Variants in KIF16B observed in about 807,000 individuals in gnomAD.
The protein encoded by KIF16B is kinesin family member 16B.
Under a neutral mutation model 156.3 loss-of-function variants are expected in KIF16B, and 98 were observed. That is an observed-to-expected ratio of 0.63 (90% CI 0.53 to 0.74). The LOEUF (loss-of-function observed/expected upper bound fraction) is 0.74, where lower values mean the gene tolerates loss of function less well. Among genes scored for constraint, KIF16B ranks in the 30% least tolerant of loss-of-function variants. The probability of loss-of-function intolerance (pLI) is 0.00; values close to 1 mark genes in which losing one functional copy is unlikely to be tolerated. For synonymous variants in KIF16B, 564 were observed against 583.7 expected (o/e 0.97, Z 0.49); for missense variants, 1,421 against 1,606.5 (o/e 0.88, Z 1.97).
chr20:16,514,854 C>T (rs2069086720), intron 4 of KIF16B, among the ~76,000 whole-genome samples: 2 of 124,990 alleles, frequency 1.6e-5, no homozygotes, highest in South Asian at 5.1e-4. Flanking sequence ...CCACTGCCCT[C>T]TAGCCTGGGC....
rs1052988314 is a variant in KIF16B at position 16,449,054 on chromosome 20, A to C, written c.1303-19072T>G. On this transcript the variant is annotated intron_variant, in intron 12 of 25. Transcript: ENST00000354981. ...TAGAATGAAAGTGTCAAGAATAAAT[A>C]GATGAAAATAATGTAGGAGAAGATA... Among the ~76,000 whole-genome samples, 8 of 152,340 alleles carry C rather than the reference A, an allele frequency of 5.3e-5. No homozygotes were observed. The East Asian group carries it at 1.3e-3, about 26-fold the overall frequency.
At chr20:16,420,876 G>C (rs892652065) in intron 15 of KIF16B, among the ~76,000 whole-genome samples, 1 of 152,070 alleles carries the variant, frequency 6.6e-6, no homozygotes, top group African/African-American at 2.4e-5. Flanking sequence ...TGGACTTTAG[G>C]ATCCTAGGGC....
intron 1 of KIF16B, among the ~76,000 whole-genome samples, chr20:16,549,614 A>G (rs1031486188): frequency 6.6e-6 from 1 of 152,100 alleles, no homozygotes; most frequent in Non-Finnish European, 1.5e-5. Flanking sequence ...AGGCTACAGT[A>G]ACCAAAACAG....
intron 12 of KIF16B, among the ~76,000 whole-genome samples, chr20:16,483,987 A>C (rs2068048433): frequency 6.6e-6 from 1 of 151,158 alleles, no homozygotes; most frequent in Admixed American, 6.6e-5. Flanking sequence ...GCTGAGTACA[A>C]GTGTACATAA....
chr20:16,368,216 T>C, intron 22 of KIF16B: 1 of 1,023,940 alleles, frequency 9.8e-7, no homozygotes. Flanking sequence ...AATGCAGAGC[T>C]CTTTCTAGCA....
chr20:16,309,599 A>C lies in KIF16B; in HGVS notation c.3795+2736T>G, dbSNP rs570078407. ...AAACATTTTACACTTTTTGCTAATAAACTCAAACACAAGGTCCAAATCTTA... is the reference window on the plus strand; with the variant it reads ...AAACATTTTACACTTTTTGCTAATACACTCAAACACAAGGTCCAAATCTTA... On this transcript the variant is annotated intron_variant, in intron 25 of 25. Transcript: ENST00000354981. Among the ~76,000 whole-genome samples the C allele has an allele frequency of 5.6e-4, 85 of 152,334 alleles. 1 individual carries two copies. Among genetic ancestry groups the C allele is most frequent in the South Asian group, 3.9e-3 (19 of 4,828 alleles).
chr20:16,512,846 A>G lies in KIF16B; in HGVS notation c.426T>C (p.Ala142=), dbSNP rs1415007734. ...RINETTRWDE[A]SFRTEVSYLE... ...CCTACCTGACTTCAGTTCGAAAAGA[A>G]GCTTCATCCCATCTGGTGGTTTCAT... The change falls in exon 5 of 26, where the codon GCT becomes GCC. Residue 142 remains alanine (A), a synonymous_variant. Transcript: ENST00000354981. The G allele has an allele frequency of 6.2e-7, 1 of 1,613,756 alleles. No individual in the cohort carries two copies. The highest frequency in any genetic ancestry group is 1.7e-5 in the Admixed American group (1 of 60,028).
intron 12 of KIF16B, among the ~76,000 whole-genome samples, chr20:16,443,608 C>G (rs1420962020): frequency 6.6e-6 from 1 of 152,140 alleles, no homozygotes; most frequent in Non-Finnish European, 1.5e-5. Flanking sequence ...CTATGGGCAA[C>G]AATACTTTAC....
intron 1 of KIF16B, among the ~76,000 whole-genome samples, chr20:16,566,515 AAT>A (rs1491290568): frequency 6.6e-6 from 1 of 152,238 alleles, no homozygotes; most frequent in Non-Finnish European, 1.5e-5. Flanking sequence ...AATGCCTAAT[AAT>A]ATACCTGATA....
chr20:16,418,307 A>G (rs2146357456), intron 15 of KIF16B, among the ~76,000 whole-genome samples: 1 of 152,268 alleles, frequency 6.6e-6, no homozygotes, highest in South Asian at 2.1e-4. Flanking sequence ...ATGAGAAGTC[A>G]AATTCTAAGC....
At chr20:16,375,140 C>T (rs1425748523) in intron 19 of KIF16B, among the ~76,000 whole-genome samples, 5 of 152,300 alleles carry the variant, frequency 3.3e-5, no homozygotes, top group East Asian at 3.9e-4. Flanking sequence ...ATTCTCCCAC[C>T]GGCCCAGGCA....
At chr20:16,407,636 G>T (rs756444428) in intron 15 of KIF16B, among the ~76,000 whole-genome samples, 1 of 152,124 alleles carries the variant, frequency 6.6e-6, no homozygotes, top group South Asian at 2.1e-4. Flanking sequence ...GCTCAGGACA[G>T]AGGAGAGAAT....
At chr20:16,512,958 CAAAAT>C (rs1458171676) in intron 4 of KIF16B, 35 bp from the exon 5 acceptor site, 3 of 1,480,564 alleles carry the variant, frequency 2.0e-6, no homozygotes, top group South Asian at 1.1e-5. Context: ...AGCTGTCACT[CAAAAT>C]AAAAGCAACT....
intron 12 of KIF16B, among the ~76,000 whole-genome samples, chr20:16,468,411 C>T (rs1442392263): frequency 6.6e-6 from 1 of 151,282 alleles, no homozygotes; most frequent in African/African-American, 2.4e-5. Flanking sequence ...GTCTCTATCA[C>T]AAATACACAA....
At chr20:16,559,422 C>G (rs910490158) in intron 1 of KIF16B, among the ~76,000 whole-genome samples, 1 of 151,798 alleles carries the variant, frequency 6.6e-6, no homozygotes, top group Non-Finnish European at 1.5e-5. Context: ...CCCCTAATAC[C>G]AAAAAAAGTC....
rs756242414 is a variant in KIF16B at position 16,381,700 on chromosome 20, C to T, written c.1832G>A (p.Ser611Asn). ...QQREELEKLE[S>N]KRKLIEEMEE... ...TGAACCCCATGTGACTTACCTTTTA[C>T]TTTCTAATTTTTCAAGTTCTTCACG... Residue 611 changes from serine to asparagine, a missense_variant, in exon 18 of 26, where the codon AGT (serine) becomes AAT (asparagine). Physicochemically the swap from Ser to Asn is conservative, Grantham distance 46. Transcript: ENST00000354981. The T allele has an allele frequency of 2.5e-6, 4 of 1,612,108 alleles. No individual in the cohort carries two copies. Among genetic ancestry groups the T allele is most frequent in the Non-Finnish European group, 2.5e-6 (3 of 1,178,798 alleles).
intron 14 of KIF16B, 146 bp from the exon 15 acceptor site, chr20:16,427,387 G>T: frequency 1.3e-6 from 1 of 788,778 alleles, no homozygotes; most frequent in Non-Finnish European, 1.9e-6. Context: ...TTTATGTTTA[G>T]TGAGAAAACC....
At chr20:16,343,182 A>T (rs1044731049) in intron 23 of KIF16B, among the ~76,000 whole-genome samples, 2 of 152,224 alleles carry the variant, frequency 1.3e-5, no homozygotes, top group Non-Finnish European at 2.9e-5. Flanking sequence ...ACTGATACAA[A>T]TCCTTCTTTC....
chr20:16,371,889 T>TAAATACCAAACC (rs1182453930), intron 20 of KIF16B, 128 bp from the exon 21 acceptor site: 2 of 625,936 alleles, frequency 3.2e-6, no homozygotes, highest in African/African-American at 1.8e-5. Context: ...TAACAACAAC[T>TAAATACCAAACC]TGAGAACTTC....
Sources: allele counts gnomAD v4.1 joint callset (sites outside exome capture counted in the v4.1 genomes callset), GRCh38; gene constraint gnomAD v4.1.1; transcripts MANE v1.5; gene names NCBI Gene and HGNC (gene_info 2026-07-23, HGNC 2026-07-21).